DPP6: variants seen among roughly 807,000 people sequenced by gnomAD.
DPP6 encodes the protein dipeptidyl peptidase like 6.
Under a neutral mutation model 122.6 loss-of-function variants are expected in DPP6, and 69 were observed. The ratio of observed to expected loss-of-function variants is 0.56; its 90% CI spans 0.46 to 0.69. DPP6 has a LOEUF of 0.69. Ranked by LOEUF, DPP6 falls within the 30% of genes least tolerant of loss-of-function variation. The pLI, the probability that DPP6 is intolerant of heterozygous loss-of-function variation, is 0.00. For synonymous variants in DPP6, 418 were observed against 433.1 expected, an observed-to-expected ratio of 0.97 and a Z score of 0.43; for missense variants, 928 against 1,116.9, an observed-to-expected ratio of 0.83 and a Z score of 2.41.
rs114621326 is a variant in DPP6, at chr7:154,282,751, A to T, written c.244-163463A>T. On this transcript the variant is annotated intron_variant, in intron 1 of 25. Coordinates refer to ENST00000377770, the MANE Select transcript of DPP6 (RefSeq NM_130797.4). This position sits in a 1 kb window ranked among gnomAD's most constrained non-coding sequence, Gnocchi z 4.8. ...GACTTTCAGTATAACAAACAAATTT[A>T]AAAAAAGTATGTATATTTGGGTAGA... Among the ~76,000 whole-genome samples, 620 of 152,326 alleles carry T rather than the reference A, an allele frequency of 4.1e-3. 3 individuals are homozygous for T. Among genetic ancestry groups the T allele is most frequent in the African/African-American group, 0.013 (553 of 41,570 alleles).
At chr7:154,360,801 T>C (rs1381804243) in intron 1 of DPP6, among the ~76,000 whole-genome samples, 1 of 152,256 alleles carries the variant, frequency 6.6e-6, no homozygotes, top group African/African-American at 2.4e-5. Flanking sequence ...AGCATAAATA[T>C]TGCCCTCGCC....
chr7:153,908,365 A>G (rs1306432200), intron 1 of DPP6, among the ~76,000 whole-genome samples: 1 of 152,202 alleles, frequency 6.6e-6, no homozygotes, highest in Admixed American at 6.5e-5. Flanking sequence ...AAAAATTCAG[A>G]CCACAGCTGG....
chr7:154,402,343 C>G (rs1312178083), intron 1 of DPP6, among the ~76,000 whole-genome samples: 4 of 150,410 alleles, frequency 2.7e-5, no homozygotes, highest in African/African-American at 9.8e-5. Flanking sequence ...GACTTGGAAC[C>G]AACCCAAATG....
At chr7:154,685,088 G>A (rs1017224284) in intron 7 of DPP6, among the ~76,000 whole-genome samples, 6 of 152,188 alleles carry the variant, frequency 3.9e-5, no homozygotes, top group Non-Finnish European at 5.9e-5. Flanking sequence ...AGAGTCAGCC[G>A]TCTCCCACTG....
intron 2 of DPP6, among the ~76,000 whole-genome samples, chr7:154,460,952 A>G (rs1821246777): frequency 6.6e-6 from 1 of 152,018 alleles, no homozygotes. Flanking sequence ...TACTCTTTCT[A>G]ACTCTATTTT....
chr7:154,129,094 C>G (rs983937235), intron 1 of DPP6, among the ~76,000 whole-genome samples: 1 of 151,974 alleles, frequency 6.6e-6, no homozygotes, highest in African/African-American at 2.4e-5. Flanking sequence ...CTGGGAAGTT[C>G]TTTCTACCCA....
chr7:154,829,818 C>T (rs2150519032), intron 16 of DPP6, among the ~76,000 whole-genome samples: 1 of 152,230 alleles, frequency 6.6e-6, no homozygotes, highest in South Asian at 2.1e-4. Flanking sequence ...CCACCCTTCA[C>T]CACCACCAAA....
chr7:153,916,221 C>T (rs1800308208), intron 1 of DPP6, among the ~76,000 whole-genome samples: 1 of 152,014 alleles, frequency 6.6e-6, no homozygotes, highest in South Asian at 2.1e-4. Context: ...GATCCTCCCA[C>T]CTTGGCCTCA....
intron 1 of DPP6, among the ~76,000 whole-genome samples, chr7:154,156,068 C>T (rs1347605000): frequency 6.6e-6 from 1 of 152,254 alleles, no homozygotes; most frequent in African/African-American, 2.4e-5. Flanking sequence ...AGCCTGTCTT[C>T]CCCTCTTGGA....
At chr7:154,645,557 G>A (rs1211510310) in intron 6 of DPP6, among the ~76,000 whole-genome samples, 3 of 152,106 alleles carry the variant, frequency 2.0e-5, no homozygotes, top group African/African-American at 4.8e-5. Context: ...GGAGATCTGG[G>A]CGTAAATCCC....
chr7:153,870,796 C>T, the DPP6 span, among the ~76,000 whole-genome samples: 3 of 152,190 alleles, frequency 2.0e-5, no homozygotes, highest in Admixed American at 1.3e-4. Context: ...TACCTTTAGT[C>T]TTTGATGATG....
At chr7:154,522,888 G>A (rs1827116066) in intron 3 of DPP6, among the ~76,000 whole-genome samples, 1 of 152,172 alleles carries the variant, frequency 6.6e-6, no homozygotes, top group Admixed American at 6.5e-5. Flanking sequence ...TCCTGTACTT[G>A]TTTTACCTAA....
At chr7:154,647,988 C>T (rs998314089) in intron 6 of DPP6, among the ~76,000 whole-genome samples, 5 of 151,824 alleles carry the variant, frequency 3.3e-5, no homozygotes, top group East Asian at 1.9e-4. Flanking sequence ...CAGTGGCTCA[C>T]GCGTGTAATC....
chr7:154,690,373 A>C (rs897920065), intron 7 of DPP6, among the ~76,000 whole-genome samples: 1 of 152,128 alleles, frequency 6.6e-6, no homozygotes, highest in Non-Finnish European at 1.5e-5. Context: ...GGTGAGTGGT[A>C]AGGAGTCTTT....
At chr7:154,478,288 T>G (rs2151358096) in intron 3 of DPP6, among the ~76,000 whole-genome samples, 1 of 152,302 alleles carries the variant, frequency 6.6e-6, no homozygotes, top group African/African-American at 2.4e-5. Context: ...AAGAGATTTT[T>G]GAGTGCCCAC....
chr7:154,020,401 G>C (rs144214435), intron 1 of DPP6, among the ~76,000 whole-genome samples: 11,494 of 150,900 alleles, frequency 0.076, 516 homozygotes, highest in African/African-American at 0.14. Flanking sequence ...ATGACTTTGA[G>C]CTTTTGTAGA....
At chr7:154,061,423 C>T (rs1438874206) in intron 1 of DPP6, among the ~76,000 whole-genome samples, 2 of 146,572 alleles carry the variant, frequency 1.4e-5, no homozygotes, top group African/African-American at 5.0e-5. Flanking sequence ...AGGCCGGTAG[C>T]CTACATCTCT....
chr7:154,281,749 C>T (rs1056900903), intron 1 of DPP6, among the ~76,000 whole-genome samples: 30 of 152,158 alleles, frequency 2.0e-4, no homozygotes, highest in East Asian at 7.7e-4. Flanking sequence ...CAAGGGGCCA[C>T]GCAGACGGAT....
intron 5 of DPP6, among the ~76,000 whole-genome samples, chr7:154,590,809 C>T (rs913121902): frequency 3.3e-5 from 5 of 151,930 alleles, no homozygotes; most frequent in Non-Finnish European, 5.9e-5. Context: ...GCTGAAATTA[C>T]AGGCATGAGC....
Sources: gnomAD v4.1 joint callset for allele counts (sites outside exome capture counted in the v4.1 genomes callset) on GRCh38, gnomAD v4.1.1 for gene constraint, Gnocchi (gnomAD v3.1) non-coding constraint, MANE v1.5 for transcripts, NCBI Gene and HGNC (gene_info 2026-07-23, HGNC 2026-07-21) for gene names.